WDR70: variants seen among roughly 807,000 people sequenced by gnomAD.
WDR70 encodes WD repeat-containing protein 70.
A neutral mutation model predicts 88.6 loss-of-function variants in WDR70; 53 were observed. The observed-to-expected ratio is 0.60, with a 90% CI of 0.48 to 0.75. WDR70 has a LOEUF of 0.75. Ranked by LOEUF, WDR70 falls within the 30% of genes least tolerant of loss-of-function variation. The probability of loss-of-function intolerance (pLI) is 0.00; values close to 1 mark genes in which losing one functional copy is unlikely to be tolerated. For synonymous variants in WDR70, 280 were observed against 270.0 expected (o/e 1.04, Z -0.36); for missense variants, 610 against 823.2 (o/e 0.74, Z 3.17).
At position 37,724,998 on chromosome 5, in the gene WDR70, C is replaced by T. The variant is rs776337222; in HGVS notation, c.1662C>T (p.Asp554=). 1.2e-6 allele frequency: 2 copies of T among 1,613,688 alleles called. No individual in the cohort carries two copies. Among genetic ancestry groups the T allele is most frequent in the South Asian group, 2.2e-5 (2 of 91,074 alleles). ...QRSTRKQLEK[D]RLDPLKSHKP... is the part of the protein sequence containing the mutation. ...GTACAAGGAAACAGCTGGAGAAGGA[C>T]AGACTGGATCCCCTGAAGTCGCATA... The change falls in exon 16 of 18, where the codon GAC becomes GAT. Residue 554 remains aspartate, a synonymous_variant. Transcript: ENST00000265107.
chr5:37,728,524 A>C (rs1029920787), intron 17 of WDR70, among the ~76,000 whole-genome samples: 1 of 151,922 alleles, frequency 6.6e-6, no homozygotes, highest in Admixed American at 6.6e-5. Flanking sequence ...TTTAATGAAT[A>C]CTGGTCAGTT....
chr5:37,570,403 G>C (rs1345461930), intron 9 of WDR70, among the ~76,000 whole-genome samples: 1 of 152,132 alleles, frequency 6.6e-6, no homozygotes, highest in Non-Finnish European at 1.5e-5. Context: ...CCAGAAGATA[G>C]CTAGTTTTTT....
chr5:37,529,696 T>C (rs892902068), intron 9 of WDR70, among the ~76,000 whole-genome samples: 2 of 152,100 alleles, frequency 1.3e-5, no homozygotes, highest in Non-Finnish European at 2.9e-5. Context: ...CCTTACTGAA[T>C]TTATTTACCA....
chr5:37,558,463 T>G (rs1367576208), intron 9 of WDR70, among the ~76,000 whole-genome samples: 1 of 151,956 alleles, frequency 6.6e-6, no homozygotes, highest in Non-Finnish European at 1.5e-5. Flanking sequence ...GGACTATAGG[T>G]GCACACCACC....
In WDR70 at chr5:37,550,274, T is replaced by C. The variant is rs577654327; in HGVS notation, c.917+33684T>C. On this transcript the variant is annotated intron_variant, in intron 9 of 17. Transcript: ENST00000265107. ...TAATGTATCAATTTCCACGTATTTG[T>C]ATAGTTTCCAAAATTATTCTTGTTA... Among the ~76,000 whole-genome samples, 7 of 152,354 alleles carry C rather than the reference T, an allele frequency of 4.6e-5. No homozygotes were observed. The South Asian group carries it at 1.5e-3, about 32-fold the overall frequency.
intron 8 of WDR70, among the ~76,000 whole-genome samples, chr5:37,509,553 AT>A (rs1349797344): frequency 1.3e-5 from 2 of 152,106 alleles, no homozygotes; most frequent in African/African-American, 4.8e-5. Flanking sequence ...AATAATTTTA[AT>A]TTTTAAAATA....
chr5:37,530,136 G>A (rs1741435034), intron 9 of WDR70, among the ~76,000 whole-genome samples: 2 of 151,964 alleles, frequency 1.3e-5, no homozygotes, highest in Non-Finnish European at 2.9e-5. Flanking sequence ...ATTGACTTGC[G>A]GATGTTAAAC....
At chr5:37,535,162 A>G (rs533992048) in intron 9 of WDR70, among the ~76,000 whole-genome samples, 3 of 152,264 alleles carry the variant, frequency 2.0e-5, no homozygotes, top group South Asian at 2.1e-4. Flanking sequence ...GCAAAACGAT[A>G]AAGAGTAGGA....
chr5:37,705,626 G>A (rs562063523), intron 13 of WDR70, among the ~76,000 whole-genome samples: 5 of 151,526 alleles, frequency 3.3e-5, no homozygotes, highest in African/African-American at 4.9e-5. Context: ...CAAGTTTTAC[G>A]TCTTCTTGGA....
At chr5:37,721,295 T>G in intron 14 of WDR70, 80 bp downstream of exon 14, 1 of 1,277,066 alleles carries the variant, frequency 7.8e-7, no homozygotes, top group Admixed American at 1.8e-5. Flanking sequence ...CGCTTTTATT[T>G]ATTTCCCACT....
intron 16 of WDR70, among the ~76,000 whole-genome samples, chr5:37,726,564 T>C: frequency 6.6e-6 from 1 of 152,220 alleles, no homozygotes; most frequent in Middle Eastern, 3.2e-3. Context: ...TTTTTATTAA[T>C]TGAATTCTAA....
chr5:37,601,685 A>G (rs1262165493), intron 9 of WDR70, among the ~76,000 whole-genome samples: 1 of 152,016 alleles, frequency 6.6e-6, no homozygotes, highest in Non-Finnish European at 1.5e-5. Context: ...CTTATTACTG[A>G]TTCATTCTCC....
chr5:37,698,246 GT>G (rs1747039969), intron 11 of WDR70, among the ~76,000 whole-genome samples: 1 of 151,980 alleles, frequency 6.6e-6, no homozygotes, highest in South Asian at 2.1e-4. Flanking sequence ...CATATTGTAA[GT>G]TTACTTATCC....
intron 17 of WDR70, among the ~76,000 whole-genome samples, chr5:37,731,791 T>G (rs1006264809): frequency 1.4e-4 from 21 of 152,306 alleles, no homozygotes; most frequent in Admixed American, 3.9e-4. Flanking sequence ...TTGCTGATTA[T>G]TCATTGATAT....
At chr5:37,650,792 C>T (rs141796412) in intron 10 of WDR70, among the ~76,000 whole-genome samples, 8 of 152,180 alleles carry the variant, frequency 5.3e-5, no homozygotes, top group African/African-American at 1.7e-4. Flanking sequence ...CATATATTTG[C>T]TCCTTTACAT....
At chr5:37,727,989 A>G (rs1748029524) in intron 17 of WDR70, among the ~76,000 whole-genome samples, 1 of 152,150 alleles carries the variant, frequency 6.6e-6, no homozygotes, top group Admixed American at 6.6e-5. Context: ...CTTCCTCCTA[A>G]TTTAACACTT....
intron 9 of WDR70, among the ~76,000 whole-genome samples, chr5:37,529,743 C>T (rs1345029441): frequency 6.6e-6 from 1 of 152,000 alleles, no homozygotes; most frequent in Non-Finnish European, 1.5e-5. Flanking sequence ...TTAGGGTTTT[C>T]TATTATGTGA....
At chr5:37,649,632 C>T (rs1036666417) in intron 10 of WDR70, among the ~76,000 whole-genome samples, 1 of 149,406 alleles carries the variant, frequency 6.7e-6, no homozygotes, top group African/African-American at 2.5e-5. Context: ...AGTATCTTTT[C>T]TGATTGTCTC....
chr5:37,645,214 C>T (rs2087584346), intron 10 of WDR70, among the ~76,000 whole-genome samples: 2 of 151,010 alleles, frequency 1.3e-5, no homozygotes, highest in African/African-American at 4.9e-5. Flanking sequence ...TTTCAGTTTC[C>T]TTCTTAATCC....
Sources: gnomAD v4.1 joint callset for allele counts (sites outside exome capture counted in the v4.1 genomes callset) on GRCh38, gnomAD v4.1.1 for gene constraint, MANE v1.5 for transcripts, NCBI Gene and HGNC (gene_info 2026-07-23, HGNC 2026-07-21) for gene names.